Variants in ZMAT4 observed in about 807,000 individuals in gnomAD.
ZMAT4 encodes the protein zinc finger matrin-type protein 4.
Under a neutral mutation model 28.7 loss-of-function variants are expected in ZMAT4, and 17 were observed. That is an observed-to-expected ratio of 0.59 (90% CI 0.41 to 0.89). The LOEUF is 0.89. Among genes scored for constraint, ZMAT4 ranks in the 40% least tolerant of loss-of-function variants. The pLI, the probability that ZMAT4 is intolerant of heterozygous loss-of-function variation, is 0.00. For synonymous variants in ZMAT4, 117 were observed against 109.2 expected (o/e 1.07, Z -0.44); for missense variants, 240 against 283.8 (o/e 0.85, Z 1.11).
rs2011782 is a variant in ZMAT4 at position 40,847,074 on chromosome 8, A to C, written c.-4-21394T>G. 1.3e-5 allele frequency among the ~76,000 whole-genome samples: 2 copies of C among 151,774 alleles called. 1 individual carries two copies. The highest frequency in any genetic ancestry group is 2.9e-5 in the Non-Finnish European group (2 of 67,926). On this transcript the variant is annotated intron_variant, in intron 1 of 6. Coordinates refer to ENST00000297737, the MANE Select transcript of ZMAT4 (RefSeq NM_024645.3). ...ATAGAAAAACTAGCAGTATGGTGGC[A>C]TGTGCCTGTAATCCCAGCTACTCAG...
At chr8:40,728,906 C>A (rs1042689445) in intron 3 of ZMAT4, among the ~76,000 whole-genome samples, 4 of 152,136 alleles carry the variant, frequency 2.6e-5, no homozygotes, top group African/African-American at 7.2e-5. Context: ...CTAGTTTTGT[C>A]TATTACTGGA....
At chr8:40,851,359 C>A (rs1213032416) in intron 1 of ZMAT4, among the ~76,000 whole-genome samples, 2 of 152,022 alleles carry the variant, frequency 1.3e-5, no homozygotes, top group Non-Finnish European at 2.9e-5. Context: ...CAAAAAAAAA[C>A]TTAACTATAT....
chr8:40,819,952 T>A (rs1011341461), intron 2 of ZMAT4, among the ~76,000 whole-genome samples: 1 of 152,126 alleles, frequency 6.6e-6, no homozygotes, highest in Non-Finnish European at 1.5e-5. Flanking sequence ...TTACTTAACA[T>A]CATCCATAGG....
At chr8:40,733,863 A>G (rs758779795) in intron 3 of ZMAT4, among the ~76,000 whole-genome samples, 2 of 152,086 alleles carry the variant, frequency 1.3e-5, no homozygotes, top group Non-Finnish European at 2.9e-5. Context: ...TTCCAGGAAT[A>G]CTCTGAGTAA....
chr8:40,827,515 T>C (rs1816108500), intron 1 of ZMAT4, among the ~76,000 whole-genome samples: 1 of 152,192 alleles, frequency 6.6e-6, no homozygotes, highest in Non-Finnish European at 1.5e-5. Flanking sequence ...TAAAAGGATG[T>C]CTGCCTCAAG....
At chr8:40,650,141 G>T (rs1807565326) in intron 5 of ZMAT4, among the ~76,000 whole-genome samples, 1 of 152,146 alleles carries the variant, frequency 6.6e-6, no homozygotes, top group Admixed American at 6.5e-5. Flanking sequence ...CCAGGAGCTG[G>T]TTTTTTGAAG....
chr8:40,771,307 T>C (rs941661833), intron 2 of ZMAT4, among the ~76,000 whole-genome samples: 16 of 148,184 alleles, frequency 1.1e-4, no homozygotes, highest in Non-Finnish European at 3.0e-5. Context: ...TACACAAAAG[T>C]GCTTAAGTAG....
At chr8:40,582,461 C>A (rs1001995746) in intron 5 of ZMAT4, among the ~76,000 whole-genome samples, 1 of 151,980 alleles carries the variant, frequency 6.6e-6, no homozygotes, top group African/African-American at 2.4e-5. Context: ...TGGATGACAG[C>A]CTGGATGACA....
At chr8:40,657,352 A>T (rs2118841942) in intron 5 of ZMAT4, among the ~76,000 whole-genome samples, 1 of 117,580 alleles carries the variant, frequency 8.5e-6, no homozygotes, top group African/African-American at 2.9e-5. Flanking sequence ...CATTTCCAGT[A>T]CTACAGATGT....
At position 40,743,519 on chromosome 8, in the gene ZMAT4, G is replaced by T. The variant is rs544824316; in HGVS notation, c.192+24122C>A. 1.3e-3 allele frequency among the ~76,000 whole-genome samples: 196 copies of T among 152,290 alleles called. 1 individual carries two copies. The highest frequency in any genetic ancestry group is 2.1e-3 in the Non-Finnish European group (143 of 68,020). On this transcript the variant is annotated intron_variant, in intron 3 of 6. Coordinates refer to ENST00000297737, the MANE Select transcript of ZMAT4 (RefSeq NM_024645.3). The stretch of plus-strand genomic sequence containing the variant: ...AACCCAGGGGCTGTTCTCTCATTCG[G>T]TCCTTCATTTATTCATCCTACACTC...
intron 5 of ZMAT4, among the ~76,000 whole-genome samples, chr8:40,666,759 G>A (rs527271219): frequency 1.6e-4 from 25 of 152,092 alleles, no homozygotes; most frequent in African/African-American, 6.0e-4. Flanking sequence ...ACTTTCAAAC[G>A]ACACAAGTTT....
intron 5 of ZMAT4, among the ~76,000 whole-genome samples, chr8:40,597,834 T>C (rs1467031513): frequency 6.6e-6 from 1 of 152,200 alleles, no homozygotes; most frequent in African/African-American, 2.4e-5. Flanking sequence ...TGCTTAATCT[T>C]TAGAGAAGTA....
At chr8:40,847,740 C>T (rs1427485220) in intron 1 of ZMAT4, among the ~76,000 whole-genome samples, 1 of 152,114 alleles carries the variant, frequency 6.6e-6, no homozygotes, top group African/African-American at 2.4e-5. Flanking sequence ...ATGAAGGCAC[C>T]TGCAGAGGTG....
chr8:40,537,696 T>C (rs993923681), intron 6 of ZMAT4, among the ~76,000 whole-genome samples: 1 of 152,218 alleles, frequency 6.6e-6, no homozygotes, highest in African/African-American at 2.4e-5. Flanking sequence ...AAAACGTTTT[T>C]CATAAAATCA....
chr8:40,784,612 T>A (rs1813985431), intron 2 of ZMAT4, among the ~76,000 whole-genome samples: 1 of 152,224 alleles, frequency 6.6e-6, no homozygotes, highest in Non-Finnish European at 1.5e-5. Flanking sequence ...TAAAACGTAT[T>A]GTTTGCAAAT....
At chr8:40,820,955 G>A (rs1278626928) in intron 2 of ZMAT4, among the ~76,000 whole-genome samples, 1 of 149,702 alleles carries the variant, frequency 6.7e-6, no homozygotes, top group African/African-American at 2.5e-5. Flanking sequence ...ATATGTGTGT[G>A]TCTGTGTGTA....
chr8:40,655,176 C>A (rs1807860411), intron 5 of ZMAT4, among the ~76,000 whole-genome samples: 2 of 151,740 alleles, frequency 1.3e-5, no homozygotes, highest in African/African-American at 2.4e-5. Flanking sequence ...TACATATTTA[C>A]AATGAGCAAT....
intron 6 of ZMAT4, among the ~76,000 whole-genome samples, chr8:40,578,141 A>C (rs1804330366): frequency 6.6e-6 from 1 of 152,142 alleles, no homozygotes; most frequent in Non-Finnish European, 1.5e-5. Flanking sequence ...CTATAAAATT[A>C]TAGGAAATAA....
intron 6 of ZMAT4, among the ~76,000 whole-genome samples, chr8:40,568,906 A>G (rs1027642071): frequency 2.0e-5 from 3 of 152,040 alleles, no homozygotes; most frequent in African/African-American, 7.2e-5. Context: ...TCTTTTACTC[A>G]CCATATCATA....
Sources: gnomAD v4.1 joint callset for allele counts (sites outside exome capture counted in the v4.1 genomes callset) on GRCh38, gnomAD v4.1.1 for gene constraint, MANE v1.5 for transcripts, NCBI Gene and HGNC (gene_info 2026-07-23, HGNC 2026-07-21) for gene names.